Variants in USH2A observed in about 807,000 individuals in gnomAD.
The protein encoded by USH2A is Usher syndrome 2A (autosomal recessive, mild).
Under a neutral mutation model 538.9 loss-of-function variants are expected in USH2A, and 443 were observed. That is an observed-to-expected ratio of 0.82 (90% confidence interval 0.76 to 0.89). The LOEUF is 0.89. Ranked by LOEUF, USH2A falls within the 40% of genes least tolerant of loss-of-function variation. The pLI is 0.00. For synonymous variants in USH2A, 2,413 were observed against 2,273.5 expected, an observed-to-expected ratio of 1.06 and a Z score of -1.75; for missense variants, 6,633 against 6,324.8, an observed-to-expected ratio of 1.05 and a Z score of -1.65.
chr1:216,207,753 C>T (rs181587376), intron 15 of USH2A, among the ~76,000 whole-genome samples: 3 of 144,258 alleles, frequency 2.1e-5, no homozygotes, highest in African/African-American at 7.7e-5. Context: ...CAAGGATGCA[C>T]AACATTTATT....
chr1:216,219,015 T>C (rs1358449906), intron 14 of USH2A, among the ~76,000 whole-genome samples: 1 of 151,970 alleles, frequency 6.6e-6, no homozygotes, highest in African/African-American at 2.4e-5. Flanking sequence ...TGTGTGTATA[T>C]ATGTATGTGT....
chr1:216,371,136 C>T (rs2038706653), intron 3 of USH2A, among the ~76,000 whole-genome samples: 1 of 152,178 alleles, frequency 6.6e-6, no homozygotes, highest in South Asian at 2.1e-4. Context: ...AATGATTGAA[C>T]CCAAAGGTAT....
intron 59 of USH2A, 106 bp from the exon 60 acceptor site, chr1:215,741,643 C>G: frequency 8.1e-7 from 1 of 1,229,546 alleles, no homozygotes. Context: ...TTAACCTGTC[C>G]TTTTGCATAT....
chr1:216,339,887 G>T (rs773957406), intron 4 of USH2A, among the ~76,000 whole-genome samples: 12 of 151,916 alleles, frequency 7.9e-5, no homozygotes, highest in Non-Finnish European at 1.5e-4. Flanking sequence ...AAGCTAGAAA[G>T]ATCTCGAATT....
At chr1:216,332,211 T>C (rs1004450462) in intron 4 of USH2A, among the ~76,000 whole-genome samples, 10 of 152,046 alleles carry the variant, frequency 6.6e-5, no homozygotes, top group Admixed American at 1.3e-4. Flanking sequence ...GGAAGTACCA[T>C]GGAAAGCCCC....
intron 14 of USH2A, among the ~76,000 whole-genome samples, chr1:216,227,823 A>T (rs1480496427): frequency 1.3e-5 from 2 of 152,180 alleles, no homozygotes; most frequent in Admixed American, 1.3e-4. Flanking sequence ...AAGTAAATTG[A>T]TAAGAAGTAC....
rs748943923 is a variant in USH2A, at chr1:216,321,955, G to A, written c.1572C>T (p.Ala524=). The A allele has an allele frequency of 9.3e-6, 15 of 1,613,656 alleles. No homozygotes were observed. Among genetic ancestry groups the A allele is most frequent in the East Asian group, 4.5e-5 (2 of 44,840 alleles). The part of the protein sequence containing the change: ...ISGRCQCHGH[A]DNCDTTSQPY... ...GCTGGCTTGTTGTGTCGCAGTTATC[G>A]GCATGACCATGGCACTGACATCTGC... Residue 524 remains alanine (A), a synonymous_variant, in exon 9 of 72, where the codon GCC becomes GCT. Coordinates refer to ENST00000307340, the MANE Select transcript of USH2A (RefSeq NM_206933.4).
chr1:215,886,360 T>C (rs934647434), intron 41 of USH2A, among the ~76,000 whole-genome samples: 4 of 152,204 alleles, frequency 2.6e-5, no homozygotes, highest in Non-Finnish European at 5.9e-5. Context: ...GAACGTCCAC[T>C]TCGGTAAAGT....
chr1:215,764,021 G>A lies in USH2A; in HGVS notation c.11047+2660C>T, dbSNP rs1485071679. ...AGAAAAGCAAGTTGAGGAGTAGAGT[G>A]GAGTGGAAGAATTAAGTGGCGAAGT... On this transcript the variant is annotated intron_variant, in intron 56 of 71. Coordinates refer to ENST00000307340, the MANE Select transcript of USH2A (RefSeq NM_206933.4). Among the ~76,000 whole-genome samples, 3 of 152,008 alleles carry A rather than the reference G, an allele frequency of 2.0e-5. No homozygotes were observed. The East Asian group carries it at 5.8e-4, about 29-fold the overall frequency.
chr1:215,818,085 G>T (rs957929056), intron 47 of USH2A, among the ~76,000 whole-genome samples: 2 of 151,776 alleles, frequency 1.3e-5, no homozygotes, highest in South Asian at 4.1e-4. Flanking sequence ...TAAGAATATA[G>T]TATAAATATA....
At chr1:215,821,736 GT>G (rs1663022488) in intron 47 of USH2A, among the ~76,000 whole-genome samples, 1 of 151,814 alleles carries the variant, frequency 6.6e-6, no homozygotes, top group African/African-American at 2.4e-5. Context: ...TGGTTTTACA[GT>G]TTCAGGTCTC....
At chr1:216,088,710 T>C (rs1437027880) in intron 23 of USH2A, among the ~76,000 whole-genome samples, 1 of 152,162 alleles carries the variant, frequency 6.6e-6, no homozygotes, top group Non-Finnish European at 1.5e-5. Flanking sequence ...ACTGTATGTG[T>C]TTTTTGGAAG....
chr1:216,064,342 A>T (rs2031281746), intron 30 of USH2A, among the ~76,000 whole-genome samples: 1 of 151,894 alleles, frequency 6.6e-6, no homozygotes, highest in Non-Finnish European at 1.5e-5. Flanking sequence ...ACTCATACAC[A>T]CCTGCACTCA....
chr1:216,270,351 G>C (rs1270985751), intron 11 of USH2A, among the ~76,000 whole-genome samples: 1 of 152,048 alleles, frequency 6.6e-6, no homozygotes, highest in African/African-American at 2.4e-5. Flanking sequence ...TGTTTCATTT[G>C]AACAGAAAAT....
At chr1:216,152,052 T>G (rs2102620785) in intron 21 of USH2A, among the ~76,000 whole-genome samples, 1 of 152,146 alleles carries the variant, frequency 6.6e-6, no homozygotes. Context: ...CAGCTTAATC[T>G]CTCCCACTCT....
At chr1:216,180,500 T>C (rs2034472322) in intron 20 of USH2A, among the ~76,000 whole-genome samples, 1 of 152,112 alleles carries the variant, frequency 6.6e-6, no homozygotes, top group East Asian at 1.9e-4. Flanking sequence ...AATGAATACA[T>C]TTAGACTTGC....
At chr1:216,297,657 A>G (rs1248483302) in intron 9 of USH2A, among the ~76,000 whole-genome samples, 4 of 152,140 alleles carry the variant, frequency 2.6e-5, no homozygotes, top group African/African-American at 9.7e-5. Context: ...TATAACCATT[A>G]AAAGGTGATT....
chr1:216,105,926 A>G (rs1161170565), intron 21 of USH2A, among the ~76,000 whole-genome samples: 1 of 151,778 alleles, frequency 6.6e-6, no homozygotes, highest in Non-Finnish European at 1.5e-5. Flanking sequence ...TGTTTATATT[A>G]ACATTGTATT....
At chr1:216,167,647 A>G (rs2034197851) in intron 21 of USH2A, among the ~76,000 whole-genome samples, 1 of 152,148 alleles carries the variant, frequency 6.6e-6, no homozygotes, top group African/African-American at 2.4e-5. Flanking sequence ...GCATGCCATT[A>G]TATAAAACCC....
Sources: gnomAD v4.1 joint callset for allele counts (sites outside exome capture counted in the v4.1 genomes callset) on GRCh38, gnomAD v4.1.1 for gene constraint, MANE v1.5 for transcripts, NCBI Gene and HGNC (gene_info 2026-07-23, HGNC 2026-07-21) for gene names.